Variants in KIF16B observed in about 807,000 individuals in gnomAD.
KIF16B encodes the protein kinesin-like protein KIF16B.
Under a neutral mutation model 156.3 loss-of-function variants are expected in KIF16B, and 98 were observed. That is an observed-to-expected ratio of 0.63 (90% confidence interval 0.53 to 0.74). The LOEUF (loss-of-function observed/expected upper bound fraction) is 0.74, where lower values mean the gene tolerates loss of function less well. KIF16B is among the 30% of genes least tolerant of loss of function. The pLI, the probability that KIF16B is intolerant of heterozygous loss-of-function variation, is 0.00. For missense variants in KIF16B, 1,421 were observed against 1,606.5 expected (o/e 0.88, Z 1.97); for synonymous variants, 564 against 583.7 (o/e 0.97, Z 0.49).
chr20:16,335,982 T>G lies in KIF16B; in HGVS notation c.3655A>C (p.Arg1219=), dbSNP rs2064029462. 6.2e-7 allele frequency: 1 copy of G among 1,608,942 alleles called. No individual in the cohort carries two copies. Among genetic ancestry groups the G allele is most frequent in the Non-Finnish European group, 8.5e-7 (1 of 1,176,710 alleles). Residue 1219 remains arginine (R), a synonymous_variant, in exon 24 of 26, where the codon AGG becomes CGG. Transcript: ENST00000354981. ...ATTTCTCGAAAACGACTGTAACGCCTGAATACAGTCCATGTCTCATCTAGG... is the reference window on the plus strand; with the variant it reads ...ATTTCTCGAAAACGACTGTAACGCCGGAATACAGTCCATGTCTCATCTAGG... ...TVLDETWTVF[R]RYSRFREMHK...
chr20:16,507,821 T>G, intron 7 of KIF16B, 137 bp downstream of exon 7: 1 of 866,924 alleles, frequency 1.2e-6, no homozygotes, highest in Non-Finnish European at 1.8e-6. Context: ...TGTTCAACTC[T>G]AATTAACAAG....
chr20:16,541,748 C>T (rs934202551), intron 1 of KIF16B, among the ~76,000 whole-genome samples: 1 of 152,214 alleles, frequency 6.6e-6, no homozygotes. Context: ...GAGACTGAGG[C>T]AGGCCCAGGC....
In KIF16B at chr20:16,508,046, G is replaced by A; in HGVS notation, c.611C>T (p.Ala204Val). ...NYGDVEELMD[A>V]GNINRTTAAT... Reference sequence around the variant, plus strand: ...TGCGGTGGTCCGGTTGATATTGCCCGCATCCATAAGTTCTTCTACGTCACC... The same window carrying A: ...TGCGGTGGTCCGGTTGATATTGCCCACATCCATAAGTTCTTCTACGTCACC... The change falls in exon 7 of 26, where the codon GCG (alanine) becomes GTG (valine). Residue 204 changes from alanine (A) to valine (V), a missense_variant. By Grantham distance (64) the Ala-to-Val change is moderately conservative. Coordinates refer to ENST00000354981, the MANE Select transcript of KIF16B (RefSeq NM_024704.5). 11 of 1,613,954 alleles carry A rather than the reference G, an allele frequency of 6.8e-6. No individual in the cohort carries two copies. The highest frequency in any genetic ancestry group is 1.7e-4 in the Middle Eastern group (1 of 6,060).
chr20:16,468,912 AACATTC>A (rs1282942859), intron 12 of KIF16B, among the ~76,000 whole-genome samples: 1 of 152,154 alleles, frequency 6.6e-6, no homozygotes, highest in Non-Finnish European at 1.5e-5. Context: ...TGTCACATGG[AACATTC>A]ACCAAGACAG....
intron 25 of KIF16B, among the ~76,000 whole-genome samples, chr20:16,304,084 T>C (rs1568832862): frequency 1.3e-5 from 2 of 152,194 alleles, no homozygotes; most frequent in Non-Finnish European, 2.9e-5. Flanking sequence ...ATTTGGGGAA[T>C]AAGAAGGAGA....
intron 25 of KIF16B, among the ~76,000 whole-genome samples, chr20:16,275,695 A>G (rs185941690): frequency 5.1e-4 from 77 of 152,334 alleles, no homozygotes; most frequent in Middle Eastern, 6.8e-3. Context: ...GAAATTAGGT[A>G]TTGGTAAGAA....
chr20:16,382,720 G>A (rs940717680), intron 17 of KIF16B, among the ~76,000 whole-genome samples: 1 of 151,978 alleles, frequency 6.6e-6, no homozygotes. Context: ...GGTTGGGATC[G>A]GAGTTGGGTC....
intron 12 of KIF16B, among the ~76,000 whole-genome samples, chr20:16,475,962 A>G (rs1215656013): frequency 1.3e-5 from 2 of 152,264 alleles, no homozygotes. Context: ...AAGACATTCC[A>G]GCTGAATGAT....
chr20:16,430,098 C>A (rs2066459516), intron 12 of KIF16B, 116 bp from the exon 13 acceptor site: 2 of 1,090,746 alleles, frequency 1.8e-6, no homozygotes, highest in South Asian at 1.8e-5. Flanking sequence ...TAAAAAACTG[C>A]AAGAAAAATG....
chr20:16,342,900 A>G (rs977567704), intron 23 of KIF16B, among the ~76,000 whole-genome samples: 1 of 152,234 alleles, frequency 6.6e-6, no homozygotes, highest in African/African-American at 2.4e-5. Context: ...GAAAGACTCC[A>G]TGCCCAGAGC....
At chr20:16,367,195 T>A (rs746934784) in intron 22 of KIF16B, 3 of 1,611,464 alleles carry the variant, frequency 1.9e-6, no homozygotes, top group Non-Finnish European at 2.5e-6. Flanking sequence ...ATCTTGAGAA[T>A]TGAAAGTAAG....
intron 12 of KIF16B, among the ~76,000 whole-genome samples, chr20:16,467,798 T>C (rs932308990): frequency 6.6e-6 from 1 of 151,880 alleles, no homozygotes; most frequent in Non-Finnish European, 1.5e-5. Flanking sequence ...GAGACAACAC[T>C]GGAAAAGGAA....
intron 20 of KIF16B, 74 bp downstream of exon 20, chr20:16,374,183 T>C: frequency 1.8e-5 from 25 of 1,379,076 alleles, no homozygotes; most frequent in Non-Finnish European, 2.3e-5. Context: ...AGATACAAAG[T>C]AGTTCAACAG....
intron 25 of KIF16B, among the ~76,000 whole-genome samples, chr20:16,297,020 G>A (rs950971527): frequency 6.6e-6 from 1 of 152,188 alleles, no homozygotes; most frequent in African/African-American, 2.4e-5. Context: ...TCCTGCCTTT[G>A]GACTCAAACT....
At chr20:16,291,224 G>A (rs1324802303) in intron 25 of KIF16B, among the ~76,000 whole-genome samples, 1 of 152,144 alleles carries the variant, frequency 6.6e-6, no homozygotes, top group African/African-American at 2.4e-5. Flanking sequence ...TCTGTGTAAG[G>A]GAAGTTTGTT....
chr20:16,547,845 C>G (rs1023038852), intron 1 of KIF16B, among the ~76,000 whole-genome samples: 3 of 152,204 alleles, frequency 2.0e-5, no homozygotes, highest in South Asian at 4.1e-4. Context: ...GTCCGGTAAA[C>G]CAAATCCCAG....
At chr20:16,324,271 A>T (rs567436819) in intron 24 of KIF16B, among the ~76,000 whole-genome samples, 1 of 151,842 alleles carries the variant, frequency 6.6e-6, no homozygotes, top group Non-Finnish European at 1.5e-5. Flanking sequence ...AATTCTGTGA[A>T]TTTTCCCTTT....
At position 16,410,132 on chromosome 20, in the gene KIF16B, CAT is replaced by C. The variant is rs201096884; in HGVS notation, c.1613-3678_1613-3677del. ...GTAGGTACATATATATATGTAGGTA[CAT>C]ATATATATGTAGGTACATATACATA... On this transcript the variant is annotated intron_variant, in intron 15 of 25. Coordinates refer to ENST00000354981, the MANE Select transcript of KIF16B (RefSeq NM_024704.5). Among the ~76,000 whole-genome samples, 61 of 121,646 alleles carry C rather than the reference CAT, an allele frequency of 5.0e-4. No individual in the cohort carries two copies. The East Asian group carries it at 8.7e-3, about 17-fold the overall frequency. 79.8% of individuals were successfully genotyped at this position (121,646 alleles called of 152,430 possible).
At chr20:16,503,269 T>C (rs1008534829) in intron 10 of KIF16B, among the ~76,000 whole-genome samples, 1 of 152,144 alleles carries the variant, frequency 6.6e-6, no homozygotes, top group African/African-American at 2.4e-5. Flanking sequence ...AAATGACTAT[T>C]GTGGTTCATG....
Sources: gnomAD v4.1 joint callset for allele counts (sites outside exome capture counted in the v4.1 genomes callset) on GRCh38, gnomAD v4.1.1 for gene constraint, MANE v1.5 for transcripts, NCBI Gene and HGNC (gene_info 2026-07-23, HGNC 2026-07-21) for gene names.